The following GRIN2C variants were observed in gnomAD, a reference collection of about 807,000 sequenced individuals.
GRIN2C encodes glutamate receptor ionotropic, NMDA 2C.
Under a neutral mutation model 77.7 loss-of-function variants are expected in GRIN2C, and 64 were observed. The ratio of observed to expected loss-of-function variants is 0.82; its 90% CI spans 0.67 to 1.01. The LOEUF (loss-of-function observed/expected upper bound fraction) is 1.01. Among genes scored for constraint, GRIN2C ranks in the 50% least tolerant of loss-of-function variants. The probability of loss-of-function intolerance (pLI) is 0.00; values close to 1 mark genes in which losing one functional copy is unlikely to be tolerated. For synonymous variants in GRIN2C, 792 were observed against 643.4 expected (o/e 1.23, Z -3.49); for missense variants, 1,549 against 1,486.0 (o/e 1.04, Z -0.70).
In GRIN2C at chr17:74,854,927, G is replaced by A. The variant is rs1228074097; in HGVS notation, c.166C>T (p.Leu56=). 1.9e-6 allele frequency: 3 copies of A among 1,613,508 alleles called. No homozygotes were observed. The highest frequency in any genetic ancestry group is 2.5e-6 in the Non-Finnish European group (3 of 1,179,924). Residue 56 remains leucine, a synonymous_variant, in exon 2 of 13, where the codon CTG becomes TTG. Transcript: ENST00000293190. The part of the protein sequence containing the change: ...FRARLTPQSF[L]DLPLEIQPLT... Reference sequence around the variant, plus strand: ...GGCTGGATCTCCAGGGGTAGGTCCAGGAAGCTCTGGGGGGTGAGGCGGGCA... The same window carrying A: ...GGCTGGATCTCCAGGGGTAGGTCCAAGAAGCTCTGGGGGGTGAGGCGGGCA...
At chr17:74,861,234 G>A (rs1017852962), upstream of GRIN2C, among the ~76,000 whole-genome samples, 12 of 152,080 alleles carry the variant, frequency 7.9e-5, no homozygotes, top group Non-Finnish European at 1.5e-4. Context: ...GGCCGCCCGG[G>A]TCAAAACCCA....
upstream of GRIN2C, among the ~76,000 whole-genome samples, chr17:74,860,269 CA>C (rs773219776): frequency 1.2e-4 from 19 of 152,372 alleles, no homozygotes; most frequent in Non-Finnish European, 2.4e-4. Context: ...GTACCCTCCC[CA>C]AATAAGTGTC....
At chr17:74,856,481 C>CTCTTT (rs1394345903) in intron 1 of GRIN2C, among the ~76,000 whole-genome samples, 1 of 135,274 alleles carries the variant, frequency 7.4e-6, no homozygotes. Flanking sequence ...CTCTCTCTCT[C>CTCTTT]TTTTTTTTTT....
chr17:74,860,288 G>A (rs946300052), upstream of GRIN2C, among the ~76,000 whole-genome samples: 3 of 152,216 alleles, frequency 2.0e-5, no homozygotes, highest in Non-Finnish European at 2.9e-5. Context: ...GTCTTTCCTC[G>A]ATTTTCCTGT....
chr17:74,843,310 T>A lies in GRIN2C; in HGVS notation c.2827A>T (p.Ser943Cys). 1 of 1,393,782 alleles carries A rather than the reference T, an allele frequency of 7.2e-7. No individual in the cohort carries two copies. The highest frequency in any genetic ancestry group is 9.7e-7 in the Non-Finnish European group (1 of 1,034,786). 86.3% of individuals were successfully genotyped at this position (1,393,782 alleles called of 1,614,324 possible). Residue 943 changes from serine to cysteine, a missense_variant, in exon 13 of 13, where the codon AGC becomes TGC. Around this residue, in one of 3 missense-constraint regions of GRIN2C, gnomAD observed 450 missense variants for 267.9 expected, o/e 1.68. Transcript: ENST00000293190. The stretch of plus-strand genomic sequence containing the variant: ...GGGTCGGGGGTGGGCAGGCATGGGC[T>A]GGGGCCAGACCGCGGGGTCGGGCAG... ...SPCPTPRSGP[S>C]PCLPTPDPPP... is the part of the protein sequence containing the mutation.
At position 74,842,199 on chromosome 17, in the gene GRIN2C, C is replaced by A; in HGVS notation, c.*236G>T. ...GGGAGAGCCTCAGGAGTCTGACCCC[C>A]ACAGCACACCCTCCTGGCAGAACTC... On this transcript the variant is annotated 3_prime_UTR_variant, in exon 13 of 13. Coordinates refer to ENST00000293190, the MANE Select transcript of GRIN2C (RefSeq NM_000835.6). 4.0e-6 allele frequency: 2 copies of A among 500,820 alleles called. No homozygotes were observed. Among genetic ancestry groups the A allele is most frequent in the Non-Finnish European group, 7.0e-6 (2 of 285,194 alleles). The allele number at this position is 500,820 out of a possible 1,614,324, so 31.0% of individuals were successfully genotyped here.
intron 1 of GRIN2C, 120 bp from the exon 2 acceptor site, chr17:74,855,227 T>A: frequency 1.4e-6 from 1 of 734,778 alleles, no homozygotes; most frequent in Non-Finnish European, 2.1e-6. Context: ...GGGGAAAACC[T>A]CCCTCCCCGA....
rs563639617 is a variant in GRIN2C, at chr17:74,843,140, G to A, written c.2997C>T (p.Ala999=). Residue 999 remains alanine (A), a synonymous_variant, in exon 13 of 13, where the codon GCC becomes GCT. Transcript: ENST00000293190. ...SDVSRVSRRP[A]WEARWPVRTG... ...TCCGCACCGGCCACCGCGCCTCCCA[G>A]GCTGGGCGGCGCGACACTCGGGAGA... 532 of 418,078 alleles carry A rather than the reference G, an allele frequency of 1.3e-3. 1 individual carries two copies. The highest frequency in any genetic ancestry group is 7.4e-3 in the Middle Eastern group (12 of 1,630). The allele number at this position is 418,078 out of a possible 1,614,324, so 25.9% of individuals were successfully genotyped here.
chr17:74,843,374 C>G lies in GRIN2C; in HGVS notation c.2763G>C (p.Glu921Asp), dbSNP rs1263513819. Residue 921 changes from glutamate to aspartate, a missense_variant, in exon 13 of 13, where the codon GAG becomes GAC. Glu to Asp is a conservative substitution (Grantham distance 45). Coordinates refer to ENST00000293190, the MANE Select transcript of GRIN2C (RefSeq NM_000835.6). ...SSLDRATRTI[E>D]NWGGGRRAPP... is the part of the protein sequence containing the mutation. ...GCGCACGGCGGCCGCCACCCCAATTCTCGATGGTGCGAGTGGCGCGGTCCA... is the reference window on the plus strand; with the variant it reads ...GCGCACGGCGGCCGCCACCCCAATTGTCGATGGTGCGAGTGGCGCGGTCCA... The G allele has an allele frequency of 6.5e-7, 1 of 1,531,134 alleles. No homozygotes were observed. Among genetic ancestry groups the G allele is most frequent in the Non-Finnish European group, 8.7e-7 (1 of 1,143,512 alleles). 94.8% of individuals were successfully genotyped at this position (1,531,134 alleles called of 1,614,324 possible).
Position 74,842,328 on chromosome 17 carries a change from C to T in GRIN2C, c.*107G>A, listed in dbSNP as rs2037308046. On this transcript the variant is annotated 3_prime_UTR_variant, in exon 13 of 13. Transcript: ENST00000293190. The stretch of plus-strand genomic sequence containing the variant: ...ATCATCTGTCACTGGGGTCCCATGG[C>T]CAGGATTTCATGGCAGAAGCCAGAA... The T allele has an allele frequency of 4.7e-6, 3 of 643,482 alleles. No homozygotes were observed. In the South Asian group the frequency reaches 5.5e-5, roughly 12 times the overall value. The allele number at this position is 643,482 out of a possible 1,614,324, so 39.9% of individuals were successfully genotyped here. A position where few individuals can be genotyped will look rare whatever the true frequency, so the allele number is the denominator to read the frequency against.
chr17:74,845,054 CCT>C (rs2037414408), intron 11 of GRIN2C, among the ~76,000 whole-genome samples: 1 of 151,612 alleles, frequency 6.6e-6, no homozygotes, highest in Non-Finnish European at 1.5e-5. Flanking sequence ...ACCTCAGCCC[CCT>C]GAGTAGCTGG....
Position 74,852,377 on chromosome 17 carries a change from TGC to T in GRIN2C, c.632_633del (p.Arg211HisfsTer209), listed in dbSNP as rs766320126. 5.8e-5 allele frequency: 84 copies of T among 1,440,272 alleles called. No individual in the cohort carries two copies. Among genetic ancestry groups the T allele is most frequent in the Admixed American group, 3.3e-4 (11 of 33,546 alleles). The allele number at this position is 1,440,272 out of a possible 1,614,324, so 89.2% of individuals were successfully genotyped here. A position where few individuals can be genotyped will look rare whatever the true frequency, so the allele number is the denominator to read the frequency against. ...LELGPGGPRA[R>X]TQRLLRQLDA... ...TCGAGCTGGCGCAGCAGGCGCTGCG[TGC>T]GCGCGCGCGGCCCTCCCGGGCCCAG... is the stretch of plus-strand genomic sequence containing the variant. On this transcript the variant is annotated frameshift_variant, in exon 3 of 13. Transcript: ENST00000293190. LOFTEE classifies it high-confidence loss of function.
chr17:74,855,045 AC>A lies in GRIN2C; in HGVS notation c.47del (p.Gly16ValfsTer15), dbSNP rs1489335297. 12 of 1,598,482 alleles carry A rather than the reference AC, an allele frequency of 7.5e-6. No individual in the cohort carries two copies. Among genetic ancestry groups the A allele is most frequent in the Non-Finnish European group, 1.0e-5 (12 of 1,178,484 alleles). ...GPALLLTSLF[G>X]AWAGLGPGQG... The stretch of plus-strand genomic sequence containing the variant: ...GCCCCGGACCCAGCCCTGCCCAGGC[AC>A]CGAAGAGCGAGGTGAGCAACAGGGC... On this transcript the variant is annotated frameshift_variant, in exon 2 of 13. Transcript: ENST00000293190. LOFTEE classifies it high-confidence loss of function.
chr17:74,851,003 G>T (rs765073733), intron 4 of GRIN2C: 39 of 582,228 alleles, frequency 6.7e-5, no homozygotes, highest in Non-Finnish European at 1.1e-4. Context: ...TCACTGTACT[G>T]GTCCCCCCTG....
chr17:74,861,170 T>A (rs1276948637), upstream of GRIN2C, among the ~76,000 whole-genome samples: 1 of 152,068 alleles, frequency 6.6e-6, no homozygotes, highest in African/African-American at 2.4e-5. Context: ...CCCGCGTCCT[T>A]CTCTCGCGTC....
At chr17:74,858,139 T>G (rs1191165288) in intron 1 of GRIN2C, among the ~76,000 whole-genome samples, 1 of 152,100 alleles carries the variant, frequency 6.6e-6, no homozygotes, top group East Asian at 1.9e-4. Context: ...GTATTTCTCT[T>G]TCCAACTCCC....
intron 1 of GRIN2C, among the ~76,000 whole-genome samples, chr17:74,856,245 T>C (rs949526865): frequency 2.0e-5 from 3 of 152,174 alleles, no homozygotes; most frequent in African/African-American, 7.2e-5. Flanking sequence ...GCAAAACTTC[T>C]GAGCAGGGAA....
Position 74,849,724 on chromosome 17 carries a change from C to T in GRIN2C, c.1645+56G>A, listed in dbSNP as rs1258386104. On this transcript the variant is annotated intron_variant, in intron 7 of 12. Transcript: ENST00000293190. This position sits in a 1 kb window ranked among gnomAD's most constrained non-coding sequence, Gnocchi z 4.6. ...CCCATCCCCACCCAAGCTGTACACACCCTCCTCGTGGGCCCCTCTGCCCCC... is the reference window on the plus strand; with the variant it reads ...CCCATCCCCACCCAAGCTGTACACATCCTCCTCGTGGGCCCCTCTGCCCCC... The T allele has an allele frequency of 2.0e-5, 31 of 1,543,084 alleles. No individual in the cohort carries two copies. Among genetic ancestry groups the T allele is most frequent in the Non-Finnish European group, 2.7e-5 (31 of 1,134,932 alleles).
intron 2 of GRIN2C, 27 bp from the exon 3 acceptor site, chr17:74,852,638 G>GA: frequency 2.0e-6 from 2 of 981,276 alleles, no homozygotes; most frequent in South Asian, 4.8e-5. Context: ...CCTGAGCGGG[G>GA]CGGGAGGGCC....
Sources: allele counts gnomAD v4.1 joint callset (sites outside exome capture counted in the v4.1 genomes callset), GRCh38; gene constraint gnomAD v4.1.1; regional missense constraint gnomAD v4.1.1; non-coding constraint Gnocchi (gnomAD v3.1); transcripts MANE v1.5; gene names NCBI Gene and HGNC (gene_info 2026-07-23, HGNC 2026-07-21).